Variants in CPEB3 observed in about 807,000 individuals in gnomAD.
CPEB3 encodes cytoplasmic polyadenylation element binding protein 3.
CPEB3 carries 20 observed loss-of-function variants against 67.2 expected under a neutral mutation model. The observed-to-expected ratio is 0.30, with a 90% CI of 0.21 to 0.43. The LOEUF (loss-of-function observed/expected upper bound fraction) is 0.43, where lower values mean the gene tolerates loss of function less well. CPEB3 is among the 20% of genes least tolerant of loss of function. CPEB3 has a pLI of 1.00. For synonymous variants in CPEB3, 376 were observed against 393.1 expected (o/e 0.96, Z 0.51); for missense variants, 746 against 968.6 (o/e 0.77, Z 3.05).
chr10:92,105,137 C>T (rs1341068153), intron 7 of CPEB3, among the ~76,000 whole-genome samples: 3 of 152,128 alleles, frequency 2.0e-5, no homozygotes, highest in African/African-American at 4.8e-5. Context: ...TAAAGATTTC[C>T]GAGGTGGGAT....
intron 1 of CPEB3, among the ~76,000 whole-genome samples, chr10:92,266,992 C>G (rs866477723): frequency 6.6e-6 from 1 of 151,986 alleles, no homozygotes; most frequent in South Asian, 2.1e-4. Context: ...CAAGATTGCG[C>G]CATCACACTC....
At chr10:92,105,735 T>TC (rs1212796597) in intron 7 of CPEB3, among the ~76,000 whole-genome samples, 8 of 149,018 alleles carry the variant, frequency 5.4e-5, no homozygotes, top group African/African-American at 1.7e-4. Context: ...TTTTTTTTTT[T>TC]CTGAGACTGA....
chr10:92,254,801 G>A lies in CPEB3; in HGVS notation c.-11-14440C>T, dbSNP rs979636653. Among the ~76,000 whole-genome samples, 5 of 151,942 alleles carry A rather than the reference G, an allele frequency of 3.3e-5. No individual in the cohort carries two copies. The East Asian group carries it at 7.7e-4, about 23-fold the overall frequency. ...AGTCTCCCAAGTACCTAGGACTACC[G>A]GCATATACCACCACACCCAGCTAAT... On this transcript the variant is annotated intron_variant, in intron 1 of 9. Coordinates refer to ENST00000265997, the MANE Select transcript of CPEB3 (RefSeq NM_014912.5).
intron 7 of CPEB3, among the ~76,000 whole-genome samples, chr10:92,105,718 T>G (rs987350792): frequency 3.4e-5 from 5 of 145,080 alleles, no homozygotes; most frequent in Non-Finnish European, 7.6e-5. Context: ...TTTGTGGGTT[T>G]TTTTTTTTTT....
At chr10:92,202,840 C>T (rs10882031) in intron 2 of CPEB3, among the ~76,000 whole-genome samples, 33,763 of 151,512 alleles carry the variant, frequency 0.22, 4,711 homozygotes, top group Middle Eastern at 0.34. Context: ...TACTAAAAAC[C>T]GCTACATTGT....
Position 92,239,830 on chromosome 10 carries a change from TGCGGCGCGGGCGCAGGCG to T in CPEB3, c.503_520del (p.Pro168_Pro173del), listed in dbSNP as rs759654568. 3.7e-5 allele frequency: 55 copies of T among 1,481,816 alleles called. No homozygotes were observed. In the East Asian group the frequency reaches 1.3e-3, roughly 34 times the overall value. The allele number at this position is 1,481,816 out of a possible 1,614,324, so 91.8% of individuals were successfully genotyped here. On this transcript the variant is annotated inframe_deletion, in exon 2 of 10. Coordinates refer to ENST00000265997, the MANE Select transcript of CPEB3 (RefSeq NM_014912.5). The surrounding 1 kb of genome is among the most constrained non-coding windows in gnomAD (Gnocchi z 6.0). ...TGGTGGCTGCGCTGGCTGTGCCGGC[TGCGGCGCGGGCGCAGGCG>T]GCGGCGGCTGCTGGTGGTGCTGGGT...
rs113743818 is a variant in CPEB3, at chr10:92,122,990, G to T, written c.1454-11796C>A. ...TGTGTGAGGCTGAGACTTGATTCTAGCCTGTTTTGTGTTTTCTACGACACT... is the reference window on the plus strand; with the variant it reads ...TGTGTGAGGCTGAGACTTGATTCTATCCTGTTTTGTGTTTTCTACGACACT... On this transcript the variant is annotated intron_variant, in intron 6 of 9. Transcript: ENST00000265997. Among the ~76,000 whole-genome samples, 557 of 152,292 alleles carry T rather than the reference G, an allele frequency of 3.7e-3. 3 individuals are homozygous for T. Among genetic ancestry groups the T allele is most frequent in the African/African-American group, 0.013 (523 of 41,550 alleles).
At chr10:92,063,655 T>C (rs1157925540) in intron 9 of CPEB3, among the ~76,000 whole-genome samples, 1 of 152,040 alleles carries the variant, frequency 6.6e-6, no homozygotes, top group Non-Finnish European at 1.5e-5. Context: ...TCTCAGCTAC[T>C]TGGGAGACTG....
chr10:92,232,011 C>T (rs149548340), intron 2 of CPEB3, among the ~76,000 whole-genome samples: 279 of 150,282 alleles, frequency 1.9e-3, no homozygotes, highest in African/African-American at 6.4e-3. Flanking sequence ...TGAGCCACCA[C>T]TCCCAGCCTC....
intron 1 of CPEB3, among the ~76,000 whole-genome samples, chr10:92,242,827 C>A (rs1851906095): frequency 1.3e-5 from 2 of 152,200 alleles, no homozygotes; most frequent in Admixed American, 1.3e-4. Context: ...CTTCTCAACA[C>A]TCCTTAAAAA....
chr10:92,167,741 T>C (rs1291363499), intron 4 of CPEB3, among the ~76,000 whole-genome samples: 8 of 152,062 alleles, frequency 5.3e-5, no homozygotes, highest in Non-Finnish European at 1.5e-5. Context: ...ACACTGTCTC[T>C]ACTAAAAAAT....
intron 6 of CPEB3, among the ~76,000 whole-genome samples, chr10:92,124,443 G>GAACAA (rs138123838): frequency 0.017 from 2,581 of 152,108 alleles, 31 homozygotes; most frequent in Non-Finnish European, 0.029. Flanking sequence ...TGTCAAAACA[G>GAACAA]AACAAAACAA....
intron 9 of CPEB3, among the ~76,000 whole-genome samples, chr10:92,061,102 TG>T (rs1325500754): frequency 6.6e-6 from 1 of 152,148 alleles, no homozygotes; most frequent in Admixed American, 6.6e-5. Flanking sequence ...AGCTAAAATT[TG>T]GAAGCAACCT....
intron 4 of CPEB3, among the ~76,000 whole-genome samples, chr10:92,149,808 G>A (rs1026205803): frequency 6.6e-6 from 1 of 152,122 alleles, no homozygotes; most frequent in African/African-American, 2.4e-5. Flanking sequence ...TGAATCTGTG[G>A]GGGTCAGGCT....
chr10:92,184,013 A>G (rs1056851737), intron 3 of CPEB3, among the ~76,000 whole-genome samples: 1 of 152,180 alleles, frequency 6.6e-6, no homozygotes, highest in Non-Finnish European at 1.5e-5. Context: ...ACATACCTAC[A>G]TGGATCCTTT....
chr10:92,275,848 T>TC (rs1841956174), intron 1 of CPEB3, among the ~76,000 whole-genome samples: 1 of 145,458 alleles, frequency 6.9e-6, no homozygotes, highest in Non-Finnish European at 1.5e-5. Flanking sequence ...TTCTTTTCTT[T>TC]TTTTTTTTTT....
At chr10:92,268,609 G>A (rs945525090) in intron 1 of CPEB3, among the ~76,000 whole-genome samples, 1 of 152,236 alleles carries the variant, frequency 6.6e-6, no homozygotes, top group Non-Finnish European at 1.5e-5. Flanking sequence ...TAAGGAGGTT[G>A]TAAACATAAG....
rs966598415 is a variant in CPEB3, at chr10:92,262,615, G to C, written c.-11-22254C>G. Among the ~76,000 whole-genome samples the C allele has an allele frequency of 5.9e-5, 9 of 152,120 alleles. No individual in the cohort carries two copies. In the East Asian group the frequency reaches 1.2e-3, roughly 20 times the overall value. ...TAATCCCAGCACTTTGGGAGGCTGA[G>C]GGGGGAGGATTGCTTGAGCCCAGGA... On this transcript the variant is annotated intron_variant, in intron 1 of 9. Transcript: ENST00000265997.
chr10:92,066,001 G>T (rs1363762708), intron 9 of CPEB3, among the ~76,000 whole-genome samples: 1 of 152,034 alleles, frequency 6.6e-6, no homozygotes, highest in Non-Finnish European at 1.5e-5. Flanking sequence ...GGAGGCTGAG[G>T]TGTGAGAATC....
Sources: allele counts gnomAD v4.1 joint callset (sites outside exome capture counted in the v4.1 genomes callset), GRCh38; gene constraint gnomAD v4.1.1; non-coding constraint Gnocchi (gnomAD v3.1); transcripts MANE v1.5; gene names NCBI Gene and HGNC (gene_info 2026-07-23, HGNC 2026-07-21).